SLIT3: variants seen among roughly 807,000 people sequenced by gnomAD.
The protein encoded by SLIT3 is slit homolog 3 protein.
SLIT3 carries 68 observed loss-of-function variants against 184.0 expected under a neutral mutation model. The observed-to-expected ratio is 0.37, with a 90% CI of 0.30 to 0.45. The LOEUF (loss-of-function observed/expected upper bound fraction) is 0.45, where lower values mean the gene tolerates loss of function less well. Among genes scored for constraint, SLIT3 ranks in the 20% least tolerant of loss-of-function variants. The probability of loss-of-function intolerance (pLI) is 1.00; values close to 1 mark genes in which losing one functional copy is unlikely to be tolerated. For synonymous variants in SLIT3, 831 were observed against 828.6 expected, an observed-to-expected ratio of 1.00 and a Z score of -0.05; for missense variants, 1,707 against 2,026.0, an observed-to-expected ratio of 0.84 and a Z score of 3.02.
In SLIT3 at chr5:168,762,607, C is replaced by T. The variant is rs745560252; in HGVS notation, c.1542G>A (p.Thr514=). Residue 514 remains threonine (T), a synonymous_variant, in exon 15 of 36, where the codon ACG becomes ACA. Coordinates refer to ENST00000519560, the MANE Select transcript of SLIT3 (RefSeq NM_003062.4). ...GCTTCTGGTTGGAGCAGTCCACAATCGTGCCCTCACAGCGACACTTCTCGG... is the reference window on the plus strand; with the variant it reads ...GCTTCTGGTTGGAGCAGTCCACAATTGTGCCCTCACAGCGACACTTCTCGG... ...VCPEKCRCEG[T]IVDCSNQKLV... 5.6e-6 allele frequency: 9 copies of T among 1,613,942 alleles called. No individual in the cohort carries two copies. The highest frequency in any genetic ancestry group is 4.0e-5 in the African/African-American group (3 of 74,872).
chr5:168,816,263 TAC>T (rs1474224841), intron 8 of SLIT3, among the ~76,000 whole-genome samples: 1 of 152,198 alleles, frequency 6.6e-6, no homozygotes, highest in Non-Finnish European at 1.5e-5. Flanking sequence ...CTTGGCTCAC[TAC>T]AGTCTCCACC....
chr5:169,246,103 T>C (rs1232311162), intron 2 of SLIT3, among the ~76,000 whole-genome samples: 1 of 152,216 alleles, frequency 6.6e-6, no homozygotes, highest in East Asian at 1.9e-4. Flanking sequence ...TGCCAACAGT[T>C]GAAAATCAAG....
intron 4 of SLIT3, among the ~76,000 whole-genome samples, chr5:169,131,729 G>A (rs1256464589): frequency 6.6e-6 from 1 of 152,302 alleles, no homozygotes; most frequent in East Asian, 1.9e-4. Flanking sequence ...CTGTGGCTTA[G>A]CTATGCCTAA....
At chr5:169,122,695 A>G (rs1007635634) in intron 4 of SLIT3, among the ~76,000 whole-genome samples, 4 of 152,154 alleles carry the variant, frequency 2.6e-5, no homozygotes, top group African/African-American at 9.7e-5. Context: ...CTCCTAGAAC[A>G]ATGAAGCTCC....
rs563831190 is a variant in SLIT3 at position 168,754,146 on chromosome 5, T to C, written c.1686-139A>G. 271 of 829,530 alleles carry C rather than the reference T, an allele frequency of 3.3e-4. 2 individuals are homozygous for C. The South Asian group carries it at 4.8e-3, about 15-fold the overall frequency. 51.4% of individuals were successfully genotyped at this position (829,530 alleles called of 1,614,324 possible). A position where few individuals can be genotyped will look rare whatever the true frequency, so the allele number is the denominator to read the frequency against. The stretch of plus-strand genomic sequence containing the variant: ...GGACTGGATGGTGGAAGGAGCTCAG[T>C]CTGGGGCTCCCTGAACTTTGGTCTT... On this transcript the variant is annotated intron_variant, in intron 16 of 35. Transcript: ENST00000519560.
chr5:169,282,626 T>C (rs1364992224), intron 1 of SLIT3, among the ~76,000 whole-genome samples: 1 of 152,180 alleles, frequency 6.6e-6, no homozygotes, highest in African/African-American at 2.4e-5. Context: ...TATAATGGGA[T>C]AAATAAGTGA....
At chr5:168,874,254 A>G (rs961703773) in intron 5 of SLIT3, among the ~76,000 whole-genome samples, 1 of 152,204 alleles carries the variant, frequency 6.6e-6, no homozygotes, top group Non-Finnish European at 1.5e-5. Flanking sequence ...ATTATCCTGA[A>G]AAAACATCAG....
At chr5:168,818,671 C>T (rs1757421666) in intron 7 of SLIT3, among the ~76,000 whole-genome samples, 1 of 152,248 alleles carries the variant, frequency 6.6e-6, no homozygotes, top group Admixed American at 6.5e-5. Flanking sequence ...TACTGAGTGT[C>T]AGCCCTGTGG....
chr5:168,993,327 CAT>C (rs1755396311), intron 4 of SLIT3, among the ~76,000 whole-genome samples: 1 of 152,244 alleles, frequency 6.6e-6, no homozygotes, highest in Non-Finnish European at 1.5e-5. Context: ...AGAGCACCCA[CAT>C]GTCAGGCTTC....
chr5:168,969,320 A>C (rs552656183), intron 4 of SLIT3, among the ~76,000 whole-genome samples: 1 of 152,320 alleles, frequency 6.6e-6, no homozygotes, highest in Non-Finnish European at 1.5e-5. Context: ...TGAATAAATT[A>C]TGCAGAGGTT....
intron 11 of SLIT3, 64 bp downstream of exon 11, chr5:168,789,496 C>T (rs1211898001): frequency 1.8e-5 from 22 of 1,244,794 alleles, no homozygotes; most frequent in East Asian, 5.0e-5. Context: ...AATATGGTTG[C>T]GTCTCTCTTC....
chr5:169,148,883 A>T (rs968220065), intron 4 of SLIT3, among the ~76,000 whole-genome samples: 1 of 46,030 alleles, frequency 2.2e-5, no homozygotes, highest in Non-Finnish European at 3.6e-5. Context: ...AGTGTTACTT[A>T]AAAAAAAAAA....
At chr5:168,903,443 A>G (rs1209904833) in intron 4 of SLIT3, among the ~76,000 whole-genome samples, 2 of 152,018 alleles carry the variant, frequency 1.3e-5, no homozygotes. Flanking sequence ...GTTTCATTTG[A>G]GGTGAGAGCT....
At chr5:169,186,767 A>T (rs1482952042) in intron 4 of SLIT3, among the ~76,000 whole-genome samples, 1 of 152,206 alleles carries the variant, frequency 6.6e-6, no homozygotes, top group African/African-American at 2.4e-5. Context: ...CAGACTAGCC[A>T]AGATGAGAGT....
At chr5:169,133,665 T>G (rs1761388184) in intron 4 of SLIT3, among the ~76,000 whole-genome samples, 1 of 152,188 alleles carries the variant, frequency 6.6e-6, no homozygotes, top group Non-Finnish European at 1.5e-5. Context: ...CTGTTTATTT[T>G]GGTGATTGTC....
At chr5:169,233,129 G>A (rs112479222) in intron 3 of SLIT3, among the ~76,000 whole-genome samples, 26,945 of 152,040 alleles carry the variant, frequency 0.18, 2,675 homozygotes, top group East Asian at 0.44. Context: ...GGGTTCAAGC[G>A]ATTCTCCTGC....
intron 4 of SLIT3, among the ~76,000 whole-genome samples, chr5:169,132,808 G>A (rs116360910): frequency 0.14 from 20,869 of 152,236 alleles, 1,563 homozygotes; most frequent in South Asian, 0.27. Flanking sequence ...CCCGTGATCT[G>A]TAATCCCTCT....
intron 26 of SLIT3, among the ~76,000 whole-genome samples, chr5:168,705,823 C>T (rs1297992648): frequency 6.6e-6 from 1 of 152,162 alleles, no homozygotes; most frequent in Non-Finnish European, 1.5e-5. Flanking sequence ...TACTTTCAGA[C>T]TCAGGCCAGT....
chr5:169,281,990 G>C (rs1408744998), intron 1 of SLIT3, among the ~76,000 whole-genome samples: 1 of 152,192 alleles, frequency 6.6e-6, no homozygotes, highest in African/African-American at 2.4e-5. Context: ...ATAATGAACA[G>C]GACAGCCCAC....
Sources: allele counts gnomAD v4.1 joint callset (sites outside exome capture counted in the v4.1 genomes callset), GRCh38; gene constraint gnomAD v4.1.1; transcripts MANE v1.5; gene names NCBI Gene and HGNC (gene_info 2026-07-23, HGNC 2026-07-21).